Variants in B4GALNT3 observed in about 807,000 individuals in gnomAD.
B4GALNT3 encodes the protein beta-1,4-N-acetyl-galactosaminyltransferase 3.
B4GALNT3 carries 86 observed loss-of-function variants against 120.2 expected under a neutral mutation model. The observed-to-expected ratio is 0.72, with a 90% CI of 0.60 to 0.86. The LOEUF is 0.86. Ranked by LOEUF, B4GALNT3 falls within the 40% of genes least tolerant of loss-of-function variation. The probability of loss-of-function intolerance (pLI) is 0.00; values close to 1 mark genes in which losing one functional copy is unlikely to be tolerated. For missense variants in B4GALNT3, 1,167 were observed against 1,298.9 expected (o/e 0.90, Z 1.56); for synonymous variants, 518 against 510.4 (o/e 1.01, Z -0.20).
rs934477912 is a variant in B4GALNT3, at chr12:501,836, T to C, written c.170-33330T>C. ...TAAGAGCTGAATCTGGGAACCATGC[T>C]GTTCTCTTGTCGGTCATCTCTGCCT... On this transcript the variant is annotated intron_variant, in intron 1 of 19. Transcript: ENST00000266383. 3.3e-5 allele frequency among the ~76,000 whole-genome samples: 5 copies of C among 152,228 alleles called. No individual in the cohort carries two copies. In the South Asian group the frequency reaches 6.2e-4, roughly 19 times the overall value.
chr12:559,526 C>T, intron 19 of B4GALNT3, 105 bp downstream of exon 19: 1 of 1,514,052 alleles, frequency 6.6e-7, no homozygotes, highest in Non-Finnish European at 9.0e-7. Flanking sequence ...CCGCAGAGTC[C>T]CAAAGCACAG....
chr12:519,859 C>T (rs1016317260), intron 1 of B4GALNT3, among the ~76,000 whole-genome samples: 8 of 152,200 alleles, frequency 5.3e-5, no homozygotes, highest in African/African-American at 1.9e-4. Flanking sequence ...CCCTCAACAG[C>T]GCTCGCCATA....
Position 553,888 on chromosome 12 carries a change from G to A in B4GALNT3, c.1965G>A (p.Leu655=). ...FQALRTDWID[L]SCNTSGNLLL... ...CCCTGAGGACTGACTGGATCGATCT[G>A]AGCTGTAACACATCTGGCAACCTGC... Residue 655 remains leucine (L), a synonymous_variant, in exon 14 of 20, where the codon CTG becomes CTA. Transcript: ENST00000266383. 6.2e-7 allele frequency: 1 copy of A among 1,614,206 alleles called. No homozygotes were observed. Among genetic ancestry groups the A allele is most frequent in the Non-Finnish European group, 8.5e-7 (1 of 1,180,024 alleles).
chr12:484,148 C>T (rs1279584241), intron 1 of B4GALNT3, among the ~76,000 whole-genome samples: 1 of 152,212 alleles, frequency 6.6e-6, no homozygotes, highest in Admixed American at 6.5e-5. Flanking sequence ...CGTTCCTTGA[C>T]CCCATCAGGA....
chr12:471,647 C>T (rs945449179), intron 1 of B4GALNT3, among the ~76,000 whole-genome samples: 4 of 151,618 alleles, frequency 2.6e-5, no homozygotes. Context: ...GCAGAGGTTG[C>T]AGTGAGCCAA....
In B4GALNT3 at chr12:517,458, C is replaced by T. The variant is rs554521204; in HGVS notation, c.170-17708C>T. On this transcript the variant is annotated intron_variant, in intron 1 of 19. Transcript: ENST00000266383. ...AGAAACAAAGCTTCTGGGTTCCAGT[C>T]AGGGACCCAAGACAGGTGTCTTGTG... 2.0e-5 allele frequency among the ~76,000 whole-genome samples: 3 copies of T among 152,232 alleles called. No homozygotes were observed. The East Asian group carries it at 5.8e-4, about 29-fold the overall frequency.
intron 1 of B4GALNT3, among the ~76,000 whole-genome samples, chr12:463,013 T>G (rs1946037275): frequency 6.6e-6 from 1 of 152,100 alleles, no homozygotes; most frequent in African/African-American, 2.4e-5. Flanking sequence ...AAACTGCACC[T>G]CCCAGGCCTG....
At chr12:505,207 A>G (rs1946485436) in intron 1 of B4GALNT3, among the ~76,000 whole-genome samples, 1 of 152,200 alleles carries the variant, frequency 6.6e-6, no homozygotes, top group African/African-American at 2.4e-5. Flanking sequence ...AGAGGTTTTA[A>G]CAGATGTTCT....
At chr12:522,421 T>C (rs1414497491) in intron 1 of B4GALNT3, among the ~76,000 whole-genome samples, 1 of 152,090 alleles carries the variant, frequency 6.6e-6, no homozygotes, top group African/African-American at 2.4e-5. Context: ...AGGAAAAATA[T>C]TGTATGATTC....
At chr12:551,056 A>C (rs781417739) in intron 11 of B4GALNT3, 25 bp downstream of exon 11, 5 of 1,559,584 alleles carry the variant, frequency 3.2e-6, no homozygotes, top group East Asian at 2.2e-5. Flanking sequence ...TGGGTCATGG[A>C]GAGCAGGGCT....
chr12:541,022 C>T (rs1016737319), intron 3 of B4GALNT3, among the ~76,000 whole-genome samples: 15 of 152,226 alleles, frequency 9.9e-5, no homozygotes, highest in Admixed American at 2.0e-4. Context: ...GGATTACAGG[C>T]GTGAGCCACC....
In B4GALNT3 at chr12:492,005, C is replaced by T. The variant is rs527620291; in HGVS notation, c.169+31460C>T. Among the ~76,000 whole-genome samples, 14 of 147,022 alleles carry T rather than the reference C, an allele frequency of 9.5e-5. 1 individual carries two copies. The highest frequency in any genetic ancestry group is 7.6e-5 in the African/African-American group (3 of 39,694). ...CCCAGGAGGCGGAGGTTGCAGTGAG[C>T]GGAGATCATGGCACTGCACTCCAGT... is the stretch of plus-strand genomic sequence containing the variant. On this transcript the variant is annotated intron_variant, in intron 1 of 19. Transcript: ENST00000266383.
chr12:511,730 C>CTGT (rs1946567976), intron 1 of B4GALNT3, among the ~76,000 whole-genome samples: 20 of 55,520 alleles, frequency 3.6e-4, no homozygotes, highest in African/African-American at 1.5e-3. Context: ...CTTCCACCTT[C>CTGT]CTTCCACCTT....
In B4GALNT3 at chr12:543,146, T is replaced by C. The variant is rs1024662170; in HGVS notation, c.352-1193T>C. ...TCCAGGGAGAGTATGTGTGTGTGTGTGCATGGCCAGAGCAGACCTTGTCCC... is the reference window on the plus strand; with the variant it reads ...TCCAGGGAGAGTATGTGTGTGTGTGCGCATGGCCAGAGCAGACCTTGTCCC... On this transcript the variant is annotated intron_variant, in intron 3 of 19. Coordinates refer to ENST00000266383, the MANE Select transcript of B4GALNT3 (RefSeq NM_173593.4). 3 of 1,289,420 alleles carry C rather than the reference T, an allele frequency of 2.3e-6. No individual in the cohort carries two copies. The African/African-American group carries it at 4.6e-5, about 20-fold the overall frequency. The allele number at this position is 1,289,420 out of a possible 1,614,324, so 79.9% of individuals were successfully genotyped here. A position where few individuals can be genotyped will look rare whatever the true frequency, so the allele number is the denominator to read the frequency against.
In B4GALNT3 at chr12:556,529, C is replaced by G. The variant is rs1947157870; in HGVS notation, c.2061-18C>G. 6.2e-7 allele frequency: 1 copy of G among 1,601,602 alleles called. No individual in the cohort carries two copies. The highest frequency in any genetic ancestry group is 8.5e-7 in the Non-Finnish European group (1 of 1,170,636). On this transcript the variant is annotated intron_variant, in intron 14 of 19. Coordinates refer to ENST00000266383, the MANE Select transcript of B4GALNT3 (RefSeq NM_173593.4). ...TGTGGAAAGGAACCACTCAGCCTCC[C>G]CACACTTTCTGCCATAGGAGGTACC...
At chr12:511,320 T>G (rs796442830) in intron 1 of B4GALNT3, among the ~76,000 whole-genome samples, 521 of 42,238 alleles carry the variant, frequency 0.012, 100 homozygotes, top group African/African-American at 0.055. Flanking sequence ...TTCCGCCTTC[T>G]GCCTTCCACC....
intron 1 of B4GALNT3, among the ~76,000 whole-genome samples, chr12:474,108 TC>T (rs1168413614): frequency 6.6e-6 from 1 of 152,168 alleles, no homozygotes; most frequent in Non-Finnish European, 1.5e-5. Context: ...TCCTTCCTAA[TC>T]CATTGTCCTG....
At chr12:497,138 A>G (rs1172387821) in intron 1 of B4GALNT3, among the ~76,000 whole-genome samples, 1 of 148,416 alleles carries the variant, frequency 6.7e-6, no homozygotes, top group Non-Finnish European at 1.5e-5. Context: ...CCTGGCTTTC[A>G]TTTATTATTA....
chr12:482,697 G>A (rs74658531), intron 1 of B4GALNT3, among the ~76,000 whole-genome samples: 2,674 of 152,222 alleles, frequency 0.018, 68 homozygotes, highest in African/African-American at 0.061. Context: ...AAACGTGTCT[G>A]TTTCTTAAGC....
Sources: gnomAD v4.1 joint callset for allele counts (sites outside exome capture counted in the v4.1 genomes callset) on GRCh38, gnomAD v4.1.1 for gene constraint, MANE v1.5 for transcripts, NCBI Gene and HGNC (gene_info 2026-07-23, HGNC 2026-07-21) for gene names.